The following NEDD9 variants were observed in gnomAD, a reference collection of about 807,000 sequenced individuals.
NEDD9 encodes neural precursor cell expressed, developmentally down-regulated 9.
NEDD9 carries 26 observed loss-of-function variants against 76.6 expected under a neutral mutation model. The ratio of observed to expected loss-of-function variants is 0.34; its 90% CI spans 0.25 to 0.47. The LOEUF is 0.47. Among genes scored for constraint, NEDD9 ranks in the 20% least tolerant of loss-of-function variants. NEDD9 has a pLI of 1.00. For synonymous variants in NEDD9, 392 were observed against 414.2 expected, an observed-to-expected ratio of 0.95 and a Z score of 0.65; for missense variants, 937 against 1,058.5, an observed-to-expected ratio of 0.89 and a Z score of 1.59.
intron 1 of NEDD9, among the ~76,000 whole-genome samples, chr6:11,366,298 A>AAGGAAGGAAGGAAG (rs1439789755): frequency 6.4e-4 from 61 of 94,888 alleles, no homozygotes; most frequent in African/African-American, 1.5e-3. Flanking sequence ...AAGGAAGGAA[A>AAGGAAGGAAGGAAG]GAAAGAAAGA....
At chr6:11,376,076 G>A (rs1394716816) in intron 1 of NEDD9, among the ~76,000 whole-genome samples, 7 of 152,144 alleles carry the variant, frequency 4.6e-5, no homozygotes, top group South Asian at 4.1e-4. Flanking sequence ...CGCCCGTCTC[G>A]GCCTCCCAAA....
At chr6:11,280,361 G>A (rs1230076560) in intron 3 of NEDD9, among the ~76,000 whole-genome samples, 1 of 152,192 alleles carries the variant, frequency 6.6e-6, no homozygotes, top group Non-Finnish European at 1.5e-5. Context: ...TCTATCTAAA[G>A]TATTTTCATG....
intron 3 of NEDD9, among the ~76,000 whole-genome samples, chr6:11,274,948 G>T (rs1249434610): frequency 6.6e-6 from 1 of 152,194 alleles, no homozygotes; most frequent in Non-Finnish European, 1.5e-5. Context: ...CATATTCATT[G>T]TAGCAGCATT....
chr6:11,327,149 A>T (rs992017281), intron 2 of NEDD9, among the ~76,000 whole-genome samples: 1 of 152,196 alleles, frequency 6.6e-6, no homozygotes, highest in African/African-American at 2.4e-5. Context: ...GGCATTAATC[A>T]TCCAACTGTC....
At chr6:11,346,487 C>CG (rs902807257) in intron 1 of NEDD9, among the ~76,000 whole-genome samples, 47 of 151,744 alleles carry the variant, frequency 3.1e-4, no homozygotes, top group Non-Finnish European at 5.9e-4. Flanking sequence ...GCCCCCCCCC[C>CG]CGAGGTGAGT....
intron 1 of NEDD9, among the ~76,000 whole-genome samples, chr6:11,365,367 T>G (rs761287368): frequency 6.6e-5 from 10 of 152,152 alleles, no homozygotes; most frequent in Non-Finnish European, 1.3e-4. Context: ...ATGTCCTAGT[T>G]AGAGATAAGT....
chr6:11,223,596 A>T (rs1019521073), intron 1 of NEDD9, among the ~76,000 whole-genome samples: 23 of 152,344 alleles, frequency 1.5e-4, no homozygotes, highest in African/African-American at 4.8e-4. Flanking sequence ...TCCCTTCAGC[A>T]ATGAACTAAG....
intron 2 of NEDD9, among the ~76,000 whole-genome samples, chr6:11,330,807 C>A (rs961956546): frequency 1.3e-5 from 2 of 152,208 alleles, no homozygotes; most frequent in African/African-American, 4.8e-5. Context: ...TTATAAAATT[C>A]TGGATAAGTC....
At chr6:11,273,728 G>A (rs1291394193) in intron 3 of NEDD9, among the ~76,000 whole-genome samples, 1 of 152,226 alleles carries the variant, frequency 6.6e-6, no homozygotes, top group Non-Finnish European at 1.5e-5. Context: ...CCCATGACAT[G>A]TAGGGCAACC....
At position 11,232,656 on chromosome 6, in the gene NEDD9, C is replaced by G; in HGVS notation, c.-141G>C. On this transcript the variant is annotated 5_prime_UTR_variant, in exon 1 of 7. Coordinates refer to ENST00000379446, the MANE Select transcript of NEDD9 (RefSeq NM_006403.4). Reference sequence around the variant, plus strand: ...GAGCCGCTTGTCAGTCGCAGCGCCTCCCTCAAGTCTCTGAGCTCACTGTTG... The same window carrying G: ...GAGCCGCTTGTCAGTCGCAGCGCCTGCCTCAAGTCTCTGAGCTCACTGTTG... The G allele has an allele frequency of 2.6e-6, 4 of 1,547,280 alleles. No individual in the cohort carries two copies. Among genetic ancestry groups the G allele is most frequent in the Non-Finnish European group, 2.6e-6 (3 of 1,150,234 alleles).
intron 6 of NEDD9, among the ~76,000 whole-genome samples, chr6:11,187,545 GAA>G (rs1758009726): frequency 6.6e-6 from 1 of 151,998 alleles, no homozygotes; most frequent in Non-Finnish European, 1.5e-5. Context: ...GGTAGAGACA[GAA>G]AGAGAGAGAG....
intron 3 of NEDD9, among the ~76,000 whole-genome samples, chr6:11,255,794 A>C (rs1438924072): frequency 1.3e-5 from 2 of 152,148 alleles, no homozygotes; most frequent in Non-Finnish European, 2.9e-5. Flanking sequence ...GGAGTGTAAC[A>C]AATTAGCTTT....
At chr6:11,324,383 G>T (rs1761878003) in intron 2 of NEDD9, among the ~76,000 whole-genome samples, 2 of 152,074 alleles carry the variant, frequency 1.3e-5, no homozygotes, top group African/African-American at 4.8e-5. Flanking sequence ...TGGATGCCTG[G>T]TGTTCCTTCT....
intron 3 of NEDD9, among the ~76,000 whole-genome samples, chr6:11,297,025 A>G (rs1220649347): frequency 6.6e-6 from 1 of 152,160 alleles, no homozygotes; most frequent in Non-Finnish European, 1.5e-5. Flanking sequence ...CACCACGCCC[A>G]GCCGATTTGG....
At position 11,252,058 on chromosome 6, in the gene NEDD9, G is replaced by A. The variant is rs763371818; in HGVS notation, c.13-38331C>T. ...CCACCTCAGGGTTGAAGGCTGTGTC[G>A]ATTCCTGTCACACACAGATTATATT... On this transcript the variant is annotated intron_variant, in intron 3 of 3. Transcript: ENST00000397378. This position sits in a 1 kb window ranked among gnomAD's most constrained non-coding sequence, Gnocchi z 4.3. Among the ~76,000 whole-genome samples, 8 of 152,240 alleles carry A rather than the reference G, an allele frequency of 5.3e-5. No homozygotes were observed. The highest frequency in any genetic ancestry group is 3.9e-4 in the East Asian group (2 of 5,184).
chr6:11,185,451 G>C lies in NEDD9; in HGVS notation c.2216C>G (p.Pro739Arg). ...LFSCVSSAQP[P>R]RIFVAHSKFV... Reference sequence around the variant, plus strand: ...CTTGCTGTGTGCCACGAAGATTCGCGGGGGCTGGGCTGAGCTGACACAACT... The same window carrying C: ...CTTGCTGTGTGCCACGAAGATTCGCCGGGGCTGGGCTGAGCTGACACAACT... The change falls in exon 7 of 7, where the codon CCG becomes CGG. Residue 739 changes from proline (P) to arginine (R), a missense_variant. Coordinates refer to ENST00000379446, the MANE Select transcript of NEDD9 (RefSeq NM_006403.4). 1 of 1,614,208 alleles carries C rather than the reference G, an allele frequency of 6.2e-7. No individual in the cohort carries two copies. The highest frequency in any genetic ancestry group is 1.6e-4 in the Middle Eastern group (1 of 6,062).
At chr6:11,338,732 G>A (rs1405042314) in intron 1 of NEDD9, among the ~76,000 whole-genome samples, 6 of 152,108 alleles carry the variant, frequency 3.9e-5, no homozygotes, top group African/African-American at 1.4e-4. Context: ...GACCATCCTG[G>A]CCAACATGGT....
At chr6:11,295,212 T>G (rs1760863023) in intron 3 of NEDD9, among the ~76,000 whole-genome samples, 7 of 152,254 alleles carry the variant, frequency 4.6e-5, no homozygotes, top group Admixed American at 4.6e-4. Context: ...CTTGGCCATT[T>G]GTATGTCTTC....
rs753319078 is a variant in NEDD9 at position 11,185,607 on chromosome 6, C to T, written c.2060G>A (p.Trp687Ter). 1 of 1,614,200 alleles carries T rather than the reference C, an allele frequency of 6.2e-7. No individual in the cohort carries two copies. Among genetic ancestry groups the T allele is most frequent in the Non-Finnish European group, 8.5e-7 (1 of 1,180,044 alleles). ...GGTGGGTAGGCTCTGAGAGGGCTTCCACTTCGAGATGTCATTCTCCACGGG... is the reference window on the plus strand; with the variant it reads ...GGTGGGTAGGCTCTGAGAGGGCTTCTACTTCGAGATGTCATTCTCCACGGG... ...TKPVENDISKWKPSQSLPTTN... is the reference protein window; with the variant it reads ...TKPVENDISK Residue 687 changes from tryptophan to a stop codon, truncating the protein, a stop_gained, in exon 7 of 7, where the codon TGG becomes TAG. Transcript: ENST00000379446. LOFTEE classifies it high-confidence loss of function.
Sources: gnomAD v4.1 joint callset for allele counts (sites outside exome capture counted in the v4.1 genomes callset) on GRCh38, gnomAD v4.1.1 for gene constraint, Gnocchi (gnomAD v3.1) non-coding constraint, MANE v1.5 for transcripts, NCBI Gene and HGNC (gene_info 2026-07-23, HGNC 2026-07-21) for gene names.